Variants in ZDHHC11 observed in about 807,000 individuals in gnomAD.
ZDHHC11 encodes the protein palmitoyltransferase ZDHHC11.
ZDHHC11 carries 44 observed loss-of-function variants against 51.3 expected under a neutral mutation model. The observed-to-expected ratio is 0.86, with a 90% CI of 0.67 to 1.10. The LOEUF (loss-of-function observed/expected upper bound fraction) is 1.10. Among genes scored for constraint, ZDHHC11 ranks in the 50% least tolerant of loss-of-function variants. ZDHHC11 has a pLI of 0.00. For missense variants in ZDHHC11, 400 were observed against 537.7 expected, an observed-to-expected ratio of 0.74 and a Z score of 2.53; for synonymous variants, 163 against 222.0, an observed-to-expected ratio of 0.73 and a Z score of 2.36.
At chr5:851,213 G>A (rs1364785132), upstream of ZDHHC11, among the ~76,000 whole-genome samples, 1 of 152,202 alleles carries the variant, frequency 6.6e-6, no homozygotes, top group Non-Finnish European at 1.5e-5. Flanking sequence ...ACAGGGTCCT[G>A]TGTGTCTCCC....
At chr5:854,759 G>A (rs1272735785), upstream of ZDHHC11, among the ~76,000 whole-genome samples, 4 of 143,248 alleles carry the variant, frequency 2.8e-5, no homozygotes, top group Admixed American at 7.0e-5. Flanking sequence ...CGAGGACAGC[G>A]AGCCGGAGGG....
At chr5:817,705 T>C (rs1446820450) in intron 10 of ZDHHC11, among the ~76,000 whole-genome samples, 3 of 151,322 alleles carry the variant, frequency 2.0e-5, no homozygotes, top group African/African-American at 7.3e-5. Context: ...GTGTGTGTGT[T>C]TGGCATGTGG....
intron 6 of ZDHHC11, among the ~76,000 whole-genome samples, chr5:834,233 G>A (rs1474527311): frequency 6.6e-6 from 1 of 152,286 alleles, no homozygotes; most frequent in Non-Finnish European, 1.5e-5. Context: ...GCTGCCTGAT[G>A]TAGAATGATG....
At position 804,759 on chromosome 5, in the gene ZDHHC11, T is replaced by C. The variant is rs1388823688; in HGVS notation, c.1182-3595A>G. 6.6e-5 allele frequency among the ~76,000 whole-genome samples: 10 copies of C among 151,284 alleles called. 1 individual carries two copies. The highest frequency in any genetic ancestry group is 1.2e-4 in the Non-Finnish European group (8 of 67,676). On this transcript the variant is annotated intron_variant, in intron 11 of 12. Transcript: ENST00000283441. ...AACCAAGAATTCTATATGTGACAAA[T>C]CTATCCTTCCAGAATAAAGCAATAA... is the stretch of plus-strand genomic sequence containing the variant.
chr5:797,492 T>A (rs1025001796), intron 12 of ZDHHC11, among the ~76,000 whole-genome samples: 1 of 151,482 alleles, frequency 6.6e-6, no homozygotes, highest in Non-Finnish European at 1.5e-5. Flanking sequence ...TTCTGTCACT[T>A]TGTATCTATT....
rs950920503 is a variant in ZDHHC11 at position 824,783 on chromosome 5, A to C, written c.1023+381T>G. ...AGCATTTTATTTAAAAAAAAAAAAA[A>C]AACAGCACATGGCTTCTGCCATGGC... On this transcript the variant is annotated intron_variant, in intron 8 of 12. Transcript: ENST00000283441. 3.3e-5 allele frequency among the ~76,000 whole-genome samples: 5 copies of C among 151,176 alleles called. 1 individual carries two copies. Among genetic ancestry groups the C allele is most frequent in the Admixed American group, 6.6e-5 (1 of 15,192 alleles).
intron 12 of ZDHHC11, among the ~76,000 whole-genome samples, chr5:800,001 TGC>T (rs1738184422): frequency 6.6e-6 from 1 of 151,368 alleles, no homozygotes; most frequent in Non-Finnish European, 1.5e-5. Context: ...TTCACAGGTT[TGC>T]TGTCTCTCTG....
At chr5:855,704 G>C (rs535488838), upstream of ZDHHC11, among the ~76,000 whole-genome samples, 2 of 150,612 alleles carry the variant, frequency 1.3e-5, 1 homozygote, top group African/African-American at 4.9e-5. Context: ...GTGAGCCGGG[G>C]GGACAGACCC....
chr5:850,987 G>A (rs189305700), upstream of ZDHHC11: 10 of 301,672 alleles, frequency 3.3e-5, no homozygotes, highest in Non-Finnish European at 2.5e-5. Context: ...ACCCGTTCAC[G>A]AATACACAGG....
rs945935727 is a variant in ZDHHC11 at position 819,352 on chromosome 5, T to C, written c.1146+173A>G. ...CACAGCTGGGAAGCATTCCTGCCTC[T>C]CACTCCATCTCTCTTCTGTGCTCCA... On this transcript the variant is annotated intron_variant, in intron 10 of 12. Coordinates refer to ENST00000283441, the MANE Select transcript of ZDHHC11 (RefSeq NM_024786.3). Among the ~76,000 whole-genome samples the C allele has an allele frequency of 5.3e-5, 8 of 151,676 alleles. 1 individual carries two copies. The highest frequency in any genetic ancestry group is 1.9e-4 in the African/African-American group (8 of 41,426).
intron 3 of ZDHHC11, among the ~76,000 whole-genome samples, chr5:843,929 G>GGTGT (rs1745600741): frequency 2.0e-5 from 2 of 99,354 alleles, no homozygotes; most frequent in African/African-American, 1.7e-4. Context: ...GGGCATCTGA[G>GGTGT]GCAGGGGCGG....
intron 12 of ZDHHC11, among the ~76,000 whole-genome samples, chr5:797,340 C>G (rs903660673): frequency 2.0e-5 from 3 of 151,634 alleles, no homozygotes; most frequent in Non-Finnish European, 1.5e-5. Flanking sequence ...GAGTTGGTGT[C>G]TTCTAACAAT....
At chr5:819,090 C>CG (rs1344457256) in intron 10 of ZDHHC11, among the ~76,000 whole-genome samples, 11 of 151,642 alleles carry the variant, frequency 7.3e-5, no homozygotes, top group African/African-American at 2.7e-4. Context: ...ACAAACACAT[C>CG]TCTATTCCCA....
intron 8 of ZDHHC11, among the ~76,000 whole-genome samples, chr5:823,169 T>G (rs1741782956): frequency 3.3e-5 from 5 of 151,264 alleles, no homozygotes; most frequent in Admixed American, 3.3e-4. Flanking sequence ...ATAGTGTTTT[T>G]GGTATCTATC....
rs1254713334 is a variant in ZDHHC11 at position 796,530 on chromosome 5, G to A, written c.*58C>T. 6.7e-6 allele frequency: 1 copy of A among 148,618 alleles called. No homozygotes were observed. Among genetic ancestry groups the A allele is most frequent in the South Asian group, 2.3e-4 (1 of 4,416 alleles). The allele number at this position is 148,618 out of a possible 1,614,324, so 9.2% of individuals were successfully genotyped here. On this transcript the variant is annotated 3_prime_UTR_variant, in exon 13 of 13. Transcript: ENST00000283441. ...AGACTCTACAGGCAGGACCTTGATG[G>A]AGGGTGGGGTTTCAGGGTAGAAGAC...
At position 803,914 on chromosome 5, in the gene ZDHHC11, G is replaced by C. The variant is rs1176072218; in HGVS notation, c.1182-2750C>G. ...TTTGAGCAAGCAGAAGAAAGGATCA[G>C]CTAAGTTGAAGACAATCGAAATTAT... On this transcript the variant is annotated intron_variant, in intron 11 of 12. Transcript: ENST00000283441. Among the ~76,000 whole-genome samples, 2 of 149,442 alleles carry C rather than the reference G, an allele frequency of 1.3e-5. 1 individual carries two copies. Among genetic ancestry groups the C allele is most frequent in the Non-Finnish European group, 3.0e-5 (2 of 67,186 alleles).
intron 5 of ZDHHC11, chr5:840,120 T>C (rs1744544471): frequency 4.9e-6 from 3 of 610,950 alleles, no homozygotes; most frequent in Non-Finnish European, 8.8e-6. Context: ...TACTTGTGTT[T>C]TTGGAAGTCC....
At chr5:851,608 G>A (rs935990463), upstream of ZDHHC11, among the ~76,000 whole-genome samples, 3 of 152,220 alleles carry the variant, frequency 2.0e-5, no homozygotes, top group Non-Finnish European at 4.4e-5. Flanking sequence ...AGTCGTGAAC[G>A]TCCATGATAC....
chr5:859,119 T>C (rs141652425), upstream of ZDHHC11, among the ~76,000 whole-genome samples: 224 of 152,044 alleles, frequency 1.5e-3, 1 homozygote, highest in Middle Eastern at 0.02. Flanking sequence ...GGTGAAATAA[T>C]GCATGCAGTG....
Sources: allele counts gnomAD v4.1 joint callset (sites outside exome capture counted in the v4.1 genomes callset), GRCh38; gene constraint gnomAD v4.1.1; transcripts MANE v1.5; gene names NCBI Gene and HGNC (gene_info 2026-07-23, HGNC 2026-07-21).